PCDH11Y: variants seen among roughly 807,000 people sequenced by gnomAD.
PCDH11Y encodes the protein protocadherin-11 Y-linked.
For synonymous variants in PCDH11Y, 9 were observed against 83.6 expected, an observed-to-expected ratio of 0.11 and a Z score of 4.87; for missense variants, 12 against 224.8, an observed-to-expected ratio of 0.05 and a Z score of 6.05.
At chrY:5,146,998 T>C in intron 2 of PCDH11Y, among the ~76,000 whole-genome samples, 1 of 31,343 alleles carries the variant, frequency 3.2e-5, no homozygotes, top group South Asian at 7.6e-4. Context: ...TCCAAATTCT[T>C]TAGTTTTGGG....
chrY:5,557,524 C>A (rs2053424090), intron 3 of PCDH11Y, among the ~76,000 whole-genome samples: 1 of 33,945 alleles, frequency 2.9e-5, no homozygotes, highest in Non-Finnish European at 7.4e-5. Context: ...GATTTTGTAT[C>A]CTGAAACTTT....
At chrY:5,675,162 G>A (rs2053552753) in intron 4 of PCDH11Y, among the ~76,000 whole-genome samples, 1 of 33,767 alleles carries the variant, frequency 3.0e-5, no homozygotes, top group African/African-American at 1.2e-4. Flanking sequence ...TATGGCAGAA[G>A]CCAAAGCAAG....
At chrY:5,458,180 T>C in intron 2 of PCDH11Y, among the ~76,000 whole-genome samples, 1 of 31,975 alleles carries the variant, frequency 3.1e-5, no homozygotes, top group African/African-American at 1.2e-4. Context: ...ATGAATAATT[T>C]GTGATTTACA....
chrY:5,472,304 G>A (rs2053314719), intron 2 of PCDH11Y, among the ~76,000 whole-genome samples: 3 of 32,016 alleles, frequency 9.4e-5, no homozygotes, highest in Non-Finnish European at 1.5e-4. Context: ...AGCTCACTAA[G>A]GGGTCATTCA....
chrY:5,185,836 A>G, intron 2 of PCDH11Y, among the ~76,000 whole-genome samples: 1 of 13,509 alleles, frequency 7.4e-5, no homozygotes, highest in Admixed American at 8.2e-4. Flanking sequence ...ACAGTTCAAC[A>G]TACACAAATC....
intron 1 of PCDH11Y, among the ~76,000 whole-genome samples, chrY:5,068,540 C>CTTTG (rs2052691544): frequency 1.4e-3 from 28 of 19,840 alleles, no homozygotes; most frequent in African/African-American, 3.7e-3. Context: ...TCTTTGTGTC[C>CTTTG]TCTGTGTGTG....
At chrY:5,279,400 C>CAAAAA (rs1317323743) in intron 2 of PCDH11Y, among the ~76,000 whole-genome samples, 1 of 503 alleles carries the variant, frequency 2.0e-3, no homozygotes, top group Non-Finnish European at 3.5e-3. Context: ...AATTCTGTCT[C>CAAAAA]AAAAAAAAAA....
intron 2 of PCDH11Y, among the ~76,000 whole-genome samples, chrY:5,331,623 A>G: frequency 3.0e-5 from 1 of 33,531 alleles, no homozygotes; most frequent in Non-Finnish European, 7.4e-5. Flanking sequence ...TTTTAAATCC[A>G]TCTATGATCT....
intron 2 of PCDH11Y, among the ~76,000 whole-genome samples, chrY:5,143,005 A>G: frequency 3.0e-5 from 1 of 33,088 alleles, no homozygotes; most frequent in Non-Finnish European, 7.5e-5. Flanking sequence ...GTATTGAGGT[A>G]GAGTCAGAAT....
intron 2 of PCDH11Y, among the ~76,000 whole-genome samples, chrY:5,476,006 G>A (rs2124685144): frequency 1.2e-4 from 4 of 32,992 alleles, no homozygotes; most frequent in Admixed American, 1.1e-3. Flanking sequence ...AGGACTGGAA[G>A]TTGCTCTGGG....
At chrY:5,565,467 G>A (rs2053433325) in intron 3 of PCDH11Y, among the ~76,000 whole-genome samples, 1 of 30,055 alleles carries the variant, frequency 3.3e-5, no homozygotes, top group African/African-American at 1.3e-4. Flanking sequence ...GAAAACTGAA[G>A]GACTGTGAAG....
intron 4 of PCDH11Y, among the ~76,000 whole-genome samples, chrY:5,692,020 C>A (rs2053568139): frequency 6.0e-5 from 2 of 33,477 alleles, no homozygotes; most frequent in African/African-American, 2.3e-4. Context: ...GAGCCGAGAT[C>A]ACGGCACTGC....
In PCDH11Y at chrY:5,406,722, G is replaced by A. The variant is rs372746826; in HGVS notation, c.3130-94335G>A. Among the ~76,000 whole-genome samples, 405 of 33,249 alleles carry A rather than the reference G, an allele frequency of 0.012. No homozygotes were observed. The Middle Eastern group carries it at 0.24, about 19-fold the overall frequency. The allele number at this position is 33,249 out of a possible 37,273, so 89.2% of individuals were successfully genotyped here. ...AGCTTTTCATGAAACGCATTTCTAC[G>A]TACTACCTGCTGGTTCAGATTATGT... On this transcript the variant is annotated intron_variant, in intron 2 of 4. Transcript: ENST00000400457.
intron 2 of PCDH11Y, among the ~76,000 whole-genome samples, chrY:5,123,717 T>C (rs2052821773): frequency 6.1e-5 from 2 of 32,878 alleles, no homozygotes; most frequent in African/African-American, 2.4e-4. Context: ...TGACTTATTA[T>C]GTGATTTTAA....
chrY:5,264,434 C>G, intron 2 of PCDH11Y, among the ~76,000 whole-genome samples: 1 of 33,840 alleles, frequency 3.0e-5, no homozygotes, highest in Non-Finnish European at 7.4e-5. Flanking sequence ...GAAGTCCCAC[C>G]ATGTACTATC....
intron 4 of PCDH11Y, among the ~76,000 whole-genome samples, chrY:5,690,192 T>TA (rs2053566765): frequency 2.9e-5 from 1 of 33,912 alleles, no homozygotes; most frequent in Non-Finnish European, 7.4e-5. Flanking sequence ...GTAAAGATAA[T>TA]AAAAAATATC....
At chrY:5,162,309 A>T in intron 2 of PCDH11Y, among the ~76,000 whole-genome samples, 2 of 32,945 alleles carry the variant, frequency 6.1e-5, no homozygotes, top group African/African-American at 2.4e-4. Flanking sequence ...ATTAGCCCCT[A>T]GATGAAGCAT....
At chrY:5,619,040 G>GA (rs2053497315) in intron 4 of PCDH11Y, among the ~76,000 whole-genome samples, 10 of 27,299 alleles carry the variant, frequency 3.7e-4, no homozygotes, top group Non-Finnish European at 8.2e-4. Flanking sequence ...AAGAAAGAAA[G>GA]AAGAAAGAAA....
rs2124652243 is a variant in PCDH11Y at position 5,219,566 on chromosome Y, C to T, written c.3129+118859C>T. Reference sequence around the variant, plus strand: ...TTTGCATATTGTTCATTGGATTATTCGGTGTTTTATAATCTTTTAAAAGTA... The same window carrying T: ...TTTGCATATTGTTCATTGGATTATTTGGTGTTTTATAATCTTTTAAAAGTA... On this transcript the variant is annotated intron_variant, in intron 2 of 4. Coordinates refer to the PCDH11Y transcript ENST00000400457. Among the ~76,000 whole-genome samples the T allele has an allele frequency of 6.9e-4, 23 of 33,136 alleles. No individual in the cohort carries two copies. The East Asian group carries it at 0.016, about 23-fold the overall frequency. 88.9% of individuals were successfully genotyped at this position (33,136 alleles called of 37,273 possible).
Sources: allele counts gnomAD v4.1 joint callset (sites outside exome capture counted in the v4.1 genomes callset), GRCh38; gene constraint gnomAD v4.1.1; transcripts MANE v1.5; gene names NCBI Gene and HGNC (gene_info 2026-07-23, HGNC 2026-07-21).